The following RHOU variants were observed in gnomAD, a reference collection of about 807,000 sequenced individuals.
RHOU encodes the protein rho-related GTP-binding protein RhoU.
Under a neutral mutation model 12.6 loss-of-function variants are expected in RHOU, and 8 were observed. That is an observed-to-expected ratio of 0.64 (90% CI 0.37 to 1.15). The LOEUF is 1.15. Among genes scored for constraint, RHOU ranks in the 50% most tolerant of loss-of-function variants. RHOU has a pLI of 0.01. For missense variants in RHOU, 258 were observed against 347.0 expected (o/e 0.74, Z 2.04); for synonymous variants, 161 against 147.4 (o/e 1.09, Z -0.67).
chr1:228,647,192 G>T, the RHOU span, among the ~76,000 whole-genome samples: 1 of 152,230 alleles, frequency 6.6e-6, no homozygotes, highest in Non-Finnish European at 1.5e-5. Context: ...AGGACCAACG[G>T]AGCGCTGAGA....
At chr1:228,718,034 T>C in the RHOU span, among the ~76,000 whole-genome samples, 14 of 152,296 alleles carry the variant, frequency 9.2e-5, no homozygotes, top group African/African-American at 3.1e-4. Context: ...TTATTCTACA[T>C]AGTAAAGATA....
At chr1:228,688,328 C>T in the RHOU span, among the ~76,000 whole-genome samples, 1 of 152,176 alleles carries the variant, frequency 6.6e-6, no homozygotes, top group Non-Finnish European at 1.5e-5. Context: ...GTAGCTGACA[C>T]AGGTTTCCCC....
chr1:228,729,251 G>C, the RHOU span, among the ~76,000 whole-genome samples: 2 of 152,042 alleles, frequency 1.3e-5, no homozygotes, highest in African/African-American at 4.8e-5. Flanking sequence ...ATACTCCTTT[G>C]TGTCTGATTT....
chr1:228,735,661 C>T lies in RHOU; in HGVS notation c.-82C>T. On this transcript the variant is annotated 5_prime_UTR_variant, in exon 1 of 3. Transcript: ENST00000366691. The surrounding 1 kb of genome is among the most constrained non-coding windows in gnomAD (Gnocchi z 8.1). ...CCCGCAGCTGTCGGTGACAGCTCCTCCCTACCGCAACCCTCCGGGGCGGAG... is the reference window on the plus strand; with the variant it reads ...CCCGCAGCTGTCGGTGACAGCTCCTTCCTACCGCAACCCTCCGGGGCGGAG... 2 of 1,094,736 alleles carry T rather than the reference C, an allele frequency of 1.8e-6. No homozygotes were observed. Among genetic ancestry groups the T allele is most frequent in the Non-Finnish European group, 2.3e-6 (2 of 882,946 alleles). 67.8% of individuals were successfully genotyped at this position (1,094,736 alleles called of 1,614,324 possible). A position where few individuals can be genotyped will look rare whatever the true frequency, so the allele number is the denominator to read the frequency against.
chr1:228,650,710 A>G, the RHOU span: 1 of 476,832 alleles, frequency 2.1e-6, no homozygotes. Flanking sequence ...GTGGAAAGCT[A>G]GTAGTGCTAA....
At chr1:228,730,798 A>C (rs572647190), upstream of RHOU, among the ~76,000 whole-genome samples, 1 of 152,376 alleles carries the variant, frequency 6.6e-6, no homozygotes, top group African/African-American at 2.4e-5. Context: ...GCTAAAATGA[A>C]AGATCCAAAA....
At chr1:228,696,774 G>A in the RHOU span, among the ~76,000 whole-genome samples, 1 of 151,874 alleles carries the variant, frequency 6.6e-6, no homozygotes, top group African/African-American at 2.4e-5. Context: ...CTCGAACTCC[G>A]AGGCTCAAGC....
At position 228,745,169 on chromosome 1, in the gene RHOU, C is replaced by T. The variant is rs1662802484; in HGVS notation, c.*1429C>T. On this transcript the variant is annotated 3_prime_UTR_variant, in exon 3 of 3. Transcript: ENST00000366691. ...TGCTTCCTGTGACAGTGAAATACAT[C>T]CTTCAAGGTGGCAGCTGTTAGGGCT... The T allele has an allele frequency of 6.6e-6, 1 of 152,154 alleles. No homozygotes were observed. Among genetic ancestry groups the T allele is most frequent in the Admixed American group, 6.5e-5 (1 of 15,274 alleles). The allele number at this position is 152,154 out of a possible 1,614,324, so 9.4% of individuals were successfully genotyped here.
the RHOU span, among the ~76,000 whole-genome samples, chr1:228,707,117 T>C: frequency 3.2e-5 from 3 of 92,350 alleles, no homozygotes; most frequent in East Asian, 5.7e-4. Context: ...TATATATATA[T>C]ATATATATAC....
At chr1:228,734,449 A>T (rs1318440968), upstream of RHOU, among the ~76,000 whole-genome samples, 1 of 152,196 alleles carries the variant, frequency 6.6e-6, no homozygotes, top group African/African-American at 2.4e-5. Context: ...TGGCATTGCC[A>T]CTTACTAGCT....
the RHOU span, among the ~76,000 whole-genome samples, chr1:228,711,604 A>C: frequency 1.3e-5 from 2 of 152,238 alleles, no homozygotes; most frequent in Non-Finnish European, 2.9e-5. Context: ...CTGGCTAGCC[A>C]TATGTAGAAA....
At chr1:228,676,140 C>CCCCT in the RHOU span, among the ~76,000 whole-genome samples, 5 of 145,676 alleles carry the variant, frequency 3.4e-5, no homozygotes, top group African/African-American at 1.3e-4. Context: ...CGCCCCCCCC[C>CCCCT]TTTTTTTTTT....
the RHOU span, among the ~76,000 whole-genome samples, chr1:228,718,747 A>G: frequency 2.0e-5 from 3 of 152,230 alleles, no homozygotes; most frequent in African/African-American, 7.2e-5. Context: ...CCAGAAGCCT[A>G]GAGTCTAAGG....
the RHOU span, among the ~76,000 whole-genome samples, chr1:228,664,442 T>C: frequency 4.6e-5 from 7 of 152,160 alleles, no homozygotes; most frequent in African/African-American, 1.7e-4. Context: ...TTGTACTCAT[T>C]TTCTCAGAAA....
chr1:228,704,289 C>CACAT, the RHOU span, among the ~76,000 whole-genome samples: 1 of 152,112 alleles, frequency 6.6e-6, no homozygotes, highest in Non-Finnish European at 1.5e-5. Flanking sequence ...CCACCTTGGG[C>CACAT]ACATGTCAGG....
At chr1:228,690,939 A>C in the RHOU span, among the ~76,000 whole-genome samples, 1 of 152,224 alleles carries the variant, frequency 6.6e-6, no homozygotes, top group East Asian at 1.9e-4. Flanking sequence ...AAAAGAGTGT[A>C]TCACATAGTG....
At chr1:228,683,171 C>T in the RHOU span, among the ~76,000 whole-genome samples, 1 of 152,122 alleles carries the variant, frequency 6.6e-6, no homozygotes, top group African/African-American at 2.4e-5. Context: ...GATTTTAACT[C>T]GGTTCTGAGT....
the RHOU span, among the ~76,000 whole-genome samples, chr1:228,709,588 A>C: frequency 6.8e-6 from 1 of 147,200 alleles, no homozygotes; most frequent in Non-Finnish European, 1.5e-5. Context: ...GAAGGCAGAA[A>C]TAAAGATGTT....
the RHOU span, among the ~76,000 whole-genome samples, chr1:228,692,165 A>T: frequency 6.6e-6 from 1 of 152,252 alleles, no homozygotes; most frequent in Non-Finnish European, 1.5e-5. Flanking sequence ...TTAAATTCAG[A>T]TCCTGGTGTC....
Sources: allele counts gnomAD v4.1 joint callset (sites outside exome capture counted in the v4.1 genomes callset), GRCh38; gene constraint gnomAD v4.1.1; non-coding constraint Gnocchi (gnomAD v3.1); transcripts MANE v1.5; gene names NCBI Gene and HGNC (gene_info 2026-07-23, HGNC 2026-07-21).